The following PNPLA8 variants were observed in gnomAD, a reference collection of about 807,000 sequenced individuals.
The protein encoded by PNPLA8 is calcium-independent phospholipase A2-gamma.
A neutral mutation model predicts 76.9 loss-of-function variants in PNPLA8; 39 were observed. The observed-to-expected ratio is 0.51, with a 90% CI of 0.39 to 0.66. The LOEUF is 0.66. Among genes scored for constraint, PNPLA8 ranks in the 30% least tolerant of loss-of-function variants. The probability of loss-of-function intolerance (pLI) is 0.00; values close to 1 mark genes in which losing one functional copy is unlikely to be tolerated. For synonymous variants in PNPLA8, 301 were observed against 307.9 expected, an observed-to-expected ratio of 0.98 and a Z score of 0.24; for missense variants, 887 against 918.0, an observed-to-expected ratio of 0.97 and a Z score of 0.44.
At chr7:108,520,929 T>C (rs995160161) in intron 2 of PNPLA8, among the ~76,000 whole-genome samples, 16 of 151,986 alleles carry the variant, frequency 1.1e-4, no homozygotes, top group Non-Finnish European at 2.4e-4. Flanking sequence ...TATAAAATAA[T>C]AAAGCCATGC....
At chr7:108,511,175 T>C (rs936565059) in intron 4 of PNPLA8, among the ~76,000 whole-genome samples, 2 of 152,220 alleles carry the variant, frequency 1.3e-5, no homozygotes, top group African/African-American at 2.4e-5. Flanking sequence ...GGAAGGCTCT[T>C]CTTTACAGAA....
intron 9 of PNPLA8, among the ~76,000 whole-genome samples, chr7:108,486,360 TA>T (rs1350780069): frequency 6.6e-6 from 1 of 152,070 alleles, no homozygotes; most frequent in Non-Finnish European, 1.5e-5. Flanking sequence ...TACATAAGAA[TA>T]GGGGAAATCG....
intron 1 of PNPLA8, among the ~76,000 whole-genome samples, chr7:108,521,724 A>C (rs138878026): frequency 6.6e-6 from 1 of 152,308 alleles, no homozygotes; most frequent in African/African-American, 2.4e-5. Flanking sequence ...AAAGCATTCT[A>C]GTCAGAGAGA....
At position 108,471,198 on chromosome 7, in the gene PNPLA8, C is replaced by G. The variant is rs1859606549; in HGVS notation, c.*1203G>C. 1 of 149,286 alleles carries G rather than the reference C, an allele frequency of 6.7e-6. No individual in the cohort carries two copies. The highest frequency in any genetic ancestry group is 6.7e-5 in the Admixed American group (1 of 14,928). The allele number at this position is 149,286 out of a possible 1,614,324, so 9.2% of individuals were successfully genotyped here. A position where few individuals can be genotyped will look rare whatever the true frequency, so the allele number is the denominator to read the frequency against. ...GTTCAAAGGAGTTAATAAGGTAAAACAAGCCTAACTTCTTCTTTTTTTTTT... is the reference window on the plus strand; with the variant it reads ...GTTCAAAGGAGTTAATAAGGTAAAAGAAGCCTAACTTCTTCTTTTTTTTTT... On this transcript the variant is annotated 3_prime_UTR_variant, in exon 11 of 11. Transcript: ENST00000257694.
At chr7:108,477,228 C>T (rs1269479553) in intron 10 of PNPLA8, among the ~76,000 whole-genome samples, 1 of 152,104 alleles carries the variant, frequency 6.6e-6, no homozygotes, top group Admixed American at 6.5e-5. Flanking sequence ...GGTATACTTA[C>T]AATAAAACAA....
At chr7:108,473,368 T>TTA (rs1420397796) in intron 10 of PNPLA8, among the ~76,000 whole-genome samples, 37 of 152,198 alleles carry the variant, frequency 2.4e-4, no homozygotes, top group Non-Finnish European at 4.6e-4. Context: ...AATAACCCGA[T>TTA]TATAAACATT....
chr7:108,520,486 T>C (rs2154517125), intron 2 of PNPLA8, among the ~76,000 whole-genome samples: 1 of 152,274 alleles, frequency 6.6e-6, no homozygotes, highest in Admixed American at 6.5e-5. Context: ...GGTTGGTTAA[T>C]GGGTACGAAC....
chr7:108,503,829 C>G (rs559852828), intron 4 of PNPLA8, among the ~76,000 whole-genome samples: 3 of 152,124 alleles, frequency 2.0e-5, no homozygotes, highest in Non-Finnish European at 2.9e-5. Flanking sequence ...ACAGAGAAAC[C>G]AGCTGATCGT....
At chr7:108,488,185 GATTT>G (rs1175482869) in intron 8 of PNPLA8, among the ~76,000 whole-genome samples, 1 of 152,210 alleles carries the variant, frequency 6.6e-6, no homozygotes, top group Admixed American at 6.5e-5. Context: ...TAATAAAAGA[GATTT>G]ATTTGACCAT....
intron 4 of PNPLA8, chr7:108,510,437 C>T (rs1344855101): frequency 1.1e-5 from 17 of 1,478,618 alleles, no homozygotes; most frequent in African/African-American, 5.5e-5. Context: ...AACTGAAATT[C>T]GAATGGCGAG....
At chr7:108,516,972 C>T (rs536391738) in intron 2 of PNPLA8, among the ~76,000 whole-genome samples, 4 of 151,376 alleles carry the variant, frequency 2.6e-5, no homozygotes, top group South Asian at 2.1e-4. Flanking sequence ...AATAAGACAA[C>T]GAGGCAGAGA....
In PNPLA8 at chr7:108,526,097, C is replaced by T; in HGVS notation, c.-198G>A. ...TCGTTCCCGGCAATGACGTCCACTC[C>T]AACCGGCCTGCATCAGCTGAGCTTC... On this transcript the variant is annotated 5_prime_UTR_variant, in exon 1 of 11. It introduces an in-frame stop codon into an upstream open reading frame of the 5' UTR. Coordinates refer to ENST00000257694, the MANE Select transcript of PNPLA8 (RefSeq NM_001256007.3). The T allele has an allele frequency of 2.0e-6, 2 of 985,706 alleles. No individual in the cohort carries two copies. The highest frequency in any genetic ancestry group is 9.4e-5 in the South Asian group (2 of 21,308). The allele number at this position is 985,706 out of a possible 1,614,324, so 61.1% of individuals were successfully genotyped here.
chr7:108,487,851 C>A lies in PNPLA8; in HGVS notation c.1786G>T (p.Gly596Cys). ...FPGINSHYLG[G>C]CQYKMWQAIR... ...GCCTGCCACATTTTATACTGACAGC[C>A]TCCCAAATAATGAGAGTTGATTCCA... is the stretch of plus-strand genomic sequence containing the variant. Residue 596 changes from glycine to cysteine, a missense_variant, in exon 9 of 11, where the codon GGC becomes TGC. By Grantham distance (159) the Gly-to-Cys change is radical. Transcript: ENST00000257694. 1 of 1,613,442 alleles carries A rather than the reference C, an allele frequency of 6.2e-7. No individual in the cohort carries two copies. Among genetic ancestry groups the A allele is most frequent in the African/African-American group, 1.3e-5 (1 of 75,028 alleles).
chr7:108,505,336 ATATATATATATATATATTTTTTTTTTT>A (rs1862312136), intron 4 of PNPLA8, among the ~76,000 whole-genome samples: 2 of 5,208 alleles, frequency 3.8e-4, no homozygotes, highest in East Asian at 0.016. Flanking sequence ...ATATATATAT[ATATATATATATATATATTTTTTTTTTT>A]TTTTTTTTTT....
intron 7 of PNPLA8, among the ~76,000 whole-genome samples, chr7:108,494,432 T>C (rs1255951023): frequency 1.3e-5 from 2 of 152,222 alleles, no homozygotes; most frequent in Admixed American, 6.5e-5. Flanking sequence ...ATTCAATGTT[T>C]AGCTCTCACT....
chr7:108,501,642 G>C (rs1035201392), intron 5 of PNPLA8, among the ~76,000 whole-genome samples: 1 of 152,072 alleles, frequency 6.6e-6, no homozygotes, highest in African/African-American at 2.4e-5. Flanking sequence ...AGACAACATG[G>C]TGAAATCCCG....
At chr7:108,472,820 G>A (rs1859717720) in intron 10 of PNPLA8, 145 bp from the exon 11 acceptor site, 1 of 549,152 alleles carries the variant, frequency 1.8e-6, no homozygotes, top group Admixed American at 3.8e-5. Flanking sequence ...CAAACTGACA[G>A]TAGAAGTAAT....
At chr7:108,507,067 G>A (rs1156280353) in intron 4 of PNPLA8, among the ~76,000 whole-genome samples, 1 of 152,108 alleles carries the variant, frequency 6.6e-6, no homozygotes, top group Non-Finnish European at 1.5e-5. Context: ...GTGAGGCTGG[G>A]AGCGGTGGCT....
chr7:108,517,450 G>A (rs1175774578), intron 2 of PNPLA8, among the ~76,000 whole-genome samples: 4 of 152,174 alleles, frequency 2.6e-5, no homozygotes, highest in Non-Finnish European at 2.9e-5. Flanking sequence ...AAATCTGCAC[G>A]AGGATGTTTA....
Sources: allele counts gnomAD v4.1 joint callset (sites outside exome capture counted in the v4.1 genomes callset), GRCh38; gene constraint gnomAD v4.1.1; transcripts MANE v1.5; gene names NCBI Gene and HGNC (gene_info 2026-07-23, HGNC 2026-07-21).